Variants in HMCN1 observed in about 807,000 individuals in gnomAD.
HMCN1 encodes the protein hemicentin 1.
Under a neutral mutation model 625.9 loss-of-function variants are expected in HMCN1, and 321 were observed. The ratio of observed to expected loss-of-function variants is 0.51; its 90% CI spans 0.47 to 0.56. The LOEUF (loss-of-function observed/expected upper bound fraction) is 0.56, where lower values mean the gene tolerates loss of function less well. HMCN1 is among the 20% of genes least tolerant of loss of function. The pLI is 0.00. For missense variants in HMCN1, 6,588 were observed against 6,887.3 expected (o/e 0.96, Z 1.54); for synonymous variants, 2,425 against 2,417.6 (o/e 1.00, Z -0.09).
Position 186,190,069 on chromosome 1 carries a change from A to G in HMCN1, c.*191A>G. 2 of 662,682 alleles carry G rather than the reference A, an allele frequency of 3.0e-6. No individual in the cohort carries two copies. Among genetic ancestry groups the G allele is most frequent in the South Asian group, 1.8e-5 (1 of 55,832 alleles). The allele number at this position is 662,682 out of a possible 1,614,324, so 41.1% of individuals were successfully genotyped here. A position where few individuals can be genotyped will look rare whatever the true frequency, so the allele number is the denominator to read the frequency against. Reference sequence around the variant, plus strand: ...TCCCACCATGGTCATATCTTGAAGTATGGTCTAGAAAAGTCCCTTATTATT... The same window carrying G: ...TCCCACCATGGTCATATCTTGAAGTGTGGTCTAGAAAAGTCCCTTATTATT... On this transcript the variant is annotated 3_prime_UTR_variant, in exon 107 of 107. Transcript: ENST00000271588.
chr1:185,999,949 G>C, intron 25 of HMCN1, 96 bp from the exon 26 acceptor site: 1 of 836,620 alleles, frequency 1.2e-6, no homozygotes, highest in Non-Finnish European at 1.9e-6. Context: ...ATAAATTATT[G>C]TCATAACAAA....
chr1:186,020,267 A>ATAGATAGATAGG (rs1348471610), intron 35 of HMCN1, among the ~76,000 whole-genome samples: 142 of 152,024 alleles, frequency 9.3e-4, no homozygotes, highest in African/African-American at 3.3e-3. Context: ...AGATAGATAG[A>ATAGATAGATAGG]TGATAGATTT....
chr1:186,013,822 T>C (rs1654156716), intron 30 of HMCN1, among the ~76,000 whole-genome samples: 1 of 152,160 alleles, frequency 6.6e-6, no homozygotes, highest in African/African-American at 2.4e-5. Flanking sequence ...CCAAGGCATT[T>C]AAGTTTCTGT....
chr1:186,013,008 T>C (rs1654101991), intron 30 of HMCN1, among the ~76,000 whole-genome samples: 1 of 152,112 alleles, frequency 6.6e-6, no homozygotes. Flanking sequence ...TCACTGGTGA[T>C]GAAATTAAAT....
Position 186,106,932 on chromosome 1 carries a change from G to A in HMCN1, c.10819G>A (p.Asp3607Asn). The A allele has an allele frequency of 1.2e-6, 2 of 1,612,928 alleles. No individual in the cohort carries two copies. Among genetic ancestry groups the A allele is most frequent in the Non-Finnish European group, 1.7e-6 (2 of 1,178,888 alleles). Residue 3607 changes from aspartate to asparagine, a missense_variant, in exon 70 of 107, where the codon GAT becomes AAT. Around this residue, in one of 3 missense-constraint regions of HMCN1, gnomAD observed 4,628 missense variants for 4,853.1 expected, o/e 0.95. Transcript: ENST00000271588. ...ATGTCTGGCATCCAGTCCTGCAGGAGATGATGATAAGGAATATCTAGTGAG... is the reference window on the plus strand; with the variant it reads ...ATGTCTGGCATCCAGTCCTGCAGGAAATGATGATAAGGAATATCTAGTGAG... The part of the protein sequence containing the change: ...YTCLASSPAG[D>N]DDKEYLVRVH...
At position 186,145,750 on chromosome 1, in the gene HMCN1, C is replaced by T. The variant is rs1018623873; in HGVS notation, c.14438-3C>T. The T allele has an allele frequency of 1.2e-6, 2 of 1,614,100 alleles. No individual in the cohort carries two copies. Among genetic ancestry groups the T allele is most frequent in the Non-Finnish European group, 8.5e-7 (1 of 1,179,996 alleles). ...ACAGTGACCATTCCATTCTTGTTCA[C>T]AGTGGATGGAAGTTGGGGAAGCTGG... On this transcript the variant is annotated splice_region_variant and splice_polypyrimidine_tract_variant and intron_variant, in intron 92 of 106. Coordinates refer to ENST00000271588, the MANE Select transcript of HMCN1 (RefSeq NM_031935.3).
intron 46 of HMCN1, among the ~76,000 whole-genome samples, chr1:186,061,293 C>A (rs1657680262): frequency 6.6e-6 from 1 of 152,102 alleles, no homozygotes; most frequent in Non-Finnish European, 1.5e-5. Context: ...ACCTTCTTCA[C>A]AAGGCGGCAG....
chr1:185,739,812 A>T (rs1653854114), intron 1 of HMCN1, among the ~76,000 whole-genome samples: 1 of 152,196 alleles, frequency 6.6e-6, no homozygotes, highest in South Asian at 2.1e-4. Context: ...TGGAGAAAAT[A>T]AAAAGCAGGA....
chr1:185,848,387 A>G (rs1167234248), intron 2 of HMCN1, among the ~76,000 whole-genome samples: 1 of 151,858 alleles, frequency 6.6e-6, no homozygotes, highest in East Asian at 1.9e-4. Flanking sequence ...TCCCTCATCC[A>G]TGTTTCATTT....
At chr1:186,155,511 T>C (rs144914864) in intron 97 of HMCN1, among the ~76,000 whole-genome samples, 34 of 152,258 alleles carry the variant, frequency 2.2e-4, no homozygotes, top group African/African-American at 7.9e-4. Flanking sequence ...TGGGCACAAA[T>C]AAGAGAATTT....
intron 7 of HMCN1, 95 bp from the exon 8 acceptor site, chr1:185,923,295 T>C: frequency 1.0e-6 from 1 of 964,190 alleles, no homozygotes. Flanking sequence ...GGCATCCTTA[T>C]GGTACTCATA....
intron 30 of HMCN1, among the ~76,000 whole-genome samples, chr1:186,012,195 A>G (rs1654044715): frequency 6.6e-6 from 1 of 151,670 alleles, no homozygotes; most frequent in African/African-American, 2.4e-5. Flanking sequence ...AACACTTTAC[A>G]TTGTAATAAG....
chr1:186,125,531 GT>G (rs1161828369), intron 81 of HMCN1, 72 bp from the exon 82 acceptor site: 6 of 1,199,164 alleles, frequency 5.0e-6, no homozygotes, highest in Non-Finnish European at 7.4e-6. Context: ...TTTTTTATGT[GT>G]TAATTTTTAT....
At chr1:186,040,942 A>G in intron 39 of HMCN1, 71 bp from the exon 40 acceptor site, 1 of 1,555,334 alleles carries the variant, frequency 6.4e-7, no homozygotes, top group Non-Finnish European at 8.9e-7. Flanking sequence ...TCAAAAAAAT[A>G]AGAGAAAAAA....
intron 6 of HMCN1, among the ~76,000 whole-genome samples, chr1:185,919,342 T>C (rs893004906): frequency 1.3e-5 from 2 of 152,208 alleles, no homozygotes; most frequent in Admixed American, 6.5e-5. Context: ...GCTTATGTTC[T>C]CATTGCCTTC....
intron 11 of HMCN1, among the ~76,000 whole-genome samples, 176 bp downstream of exon 11, chr1:185,934,000 A>C (rs1272952456): frequency 6.6e-6 from 1 of 152,224 alleles, no homozygotes; most frequent in Non-Finnish European, 1.5e-5. Context: ...CTGGAAACTA[A>C]AATGTCACTA....
chr1:186,144,263 A>AC lies in HMCN1; in HGVS notation c.14018dup (p.Pro4674ThrfsTer10). On this transcript the variant is annotated frameshift_variant, in exon 90 of 107. Transcript: ENST00000271588. LOFTEE classifies it high-confidence loss of function. ...CAGACAAGAGCAAGACTTTGTAATA[A>AC]CCCACCACCAGCGTTTGGTGGGTCC... is the stretch of plus-strand genomic sequence containing the variant. The AC allele has an allele frequency of 2.5e-6, 4 of 1,614,004 alleles. No homozygotes were observed. Among genetic ancestry groups the AC allele is most frequent in the Non-Finnish European group, 3.4e-6 (4 of 1,179,978 alleles).
At chr1:186,055,312 T>A in intron 44 of HMCN1, 81 bp from the exon 45 acceptor site, 1 of 1,240,492 alleles carries the variant, frequency 8.1e-7, no homozygotes, top group Non-Finnish European at 1.2e-6. Context: ...TATATTTAAG[T>A]TTGGCTGATG....
At chr1:186,059,436 T>G (rs1657546358) in intron 46 of HMCN1, among the ~76,000 whole-genome samples, 1 of 152,040 alleles carries the variant, frequency 6.6e-6, no homozygotes, top group African/African-American at 2.4e-5. Flanking sequence ...TGCTCTAGCT[T>G]GTTACAAATT....
Sources: gnomAD v4.1 joint callset for allele counts (sites outside exome capture counted in the v4.1 genomes callset) on GRCh38, gnomAD v4.1.1 for gene constraint, gnomAD v4.1.1 regional missense constraint, MANE v1.5 for transcripts, NCBI Gene and HGNC (gene_info 2026-07-23, HGNC 2026-07-21) for gene names.